Variants in MSRB3 observed in about 807,000 individuals in gnomAD.
MSRB3 encodes the protein methionine sulfoxide reductase B3.
MSRB3 carries 13 observed loss-of-function variants against 21.0 expected under a neutral mutation model. That is an observed-to-expected ratio of 0.62 (90% CI 0.40 to 0.98). The LOEUF is 0.98. Among genes scored for constraint, MSRB3 ranks in the 50% least tolerant of loss-of-function variants. The pLI, the probability that MSRB3 is intolerant of heterozygous loss-of-function variation, is 0.00. For synonymous variants in MSRB3, 87 were observed against 88.6 expected (o/e 0.98, Z 0.10); for missense variants, 199 against 230.3 (o/e 0.86, Z 0.88).
chr12:65,357,140 C>T (rs1877431512), intron 4 of MSRB3, among the ~76,000 whole-genome samples: 1 of 151,858 alleles, frequency 6.6e-6, no homozygotes, highest in South Asian at 2.1e-4. Context: ...AGGTACTACT[C>T]ATTATCCACC....
intron 5 of MSRB3, among the ~76,000 whole-genome samples, chr12:65,446,031 T>C (rs901311694): frequency 2.6e-5 from 4 of 152,212 alleles, no homozygotes; most frequent in African/African-American, 7.2e-5. Flanking sequence ...CCAAAACTAA[T>C]GATTTTCTTT....
chr12:65,318,338 A>T (rs1385044726), intron 2 of MSRB3, among the ~76,000 whole-genome samples: 2 of 152,164 alleles, frequency 1.3e-5, no homozygotes, highest in African/African-American at 2.4e-5. Flanking sequence ...TTTGCATGAT[A>T]ATCTAAGAGA....
chr12:65,438,615 A>AGGATAACATCTAC (rs1459718956), intron 5 of MSRB3, among the ~76,000 whole-genome samples: 3 of 151,928 alleles, frequency 2.0e-5, no homozygotes, highest in Non-Finnish European at 4.4e-5. Context: ...GAAAGACAAC[A>AGGATAACATCTAC]GGATAACATC....
intron 4 of MSRB3, among the ~76,000 whole-genome samples, chr12:65,347,056 T>C (rs1876565141): frequency 6.6e-6 from 1 of 152,314 alleles, no homozygotes; most frequent in South Asian, 2.1e-4. Context: ...TAGGATTGCC[T>C]TGGCAATGTG....
intron 5 of MSRB3, among the ~76,000 whole-genome samples, chr12:65,430,930 G>A (rs1483397325): frequency 6.6e-6 from 1 of 151,988 alleles, no homozygotes; most frequent in Non-Finnish European, 1.5e-5. Flanking sequence ...TACCCTGAGA[G>A]GAAAACTTAG....
chr12:65,401,743 G>A (rs1880137451), intron 5 of MSRB3, among the ~76,000 whole-genome samples: 1 of 152,136 alleles, frequency 6.6e-6, no homozygotes, highest in Non-Finnish European at 1.5e-5. Context: ...TGCAGTGGCT[G>A]GTACCGGTTG....
chr12:65,374,174 T>A (rs1274293481), intron 5 of MSRB3, among the ~76,000 whole-genome samples: 1 of 152,202 alleles, frequency 6.6e-6, no homozygotes, highest in Non-Finnish European at 1.5e-5. Flanking sequence ...AATTTCTTCA[T>A]TTTAAATTTC....
At chr12:65,315,847 T>A (rs540875111) in intron 2 of MSRB3, among the ~76,000 whole-genome samples, 1 of 152,158 alleles carries the variant, frequency 6.6e-6, no homozygotes, top group Non-Finnish European at 1.5e-5. Flanking sequence ...AAGGAAGGAA[T>A]GGAATGTTAA....
At chr12:65,440,983 ATGT>A (rs999606521) in intron 5 of MSRB3, among the ~76,000 whole-genome samples, 3 of 151,942 alleles carry the variant, frequency 2.0e-5, no homozygotes, top group African/African-American at 7.2e-5. Context: ...ACAAAATAAT[ATGT>A]CAAAGTGTAG....
chr12:65,355,261 G>A (rs1263889988), intron 4 of MSRB3, among the ~76,000 whole-genome samples: 2 of 151,808 alleles, frequency 1.3e-5, no homozygotes, highest in African/African-American at 2.4e-5. Context: ...GTGTATTAGT[G>A]TCAAGTATGC....
intron 2 of MSRB3, among the ~76,000 whole-genome samples, chr12:65,311,901 A>G (rs1874009833): frequency 1.3e-5 from 2 of 151,926 alleles, no homozygotes; most frequent in South Asian, 4.1e-4. Context: ...GACTTTTTTT[A>G]CGTCTTATTT....
At chr12:65,398,011 A>G (rs948822724) in intron 5 of MSRB3, among the ~76,000 whole-genome samples, 5 of 152,152 alleles carry the variant, frequency 3.3e-5, no homozygotes, top group African/African-American at 1.2e-4. Context: ...TCTATCATTG[A>G]TGGGCATTTG....
intron 4 of MSRB3, among the ~76,000 whole-genome samples, chr12:65,345,836 G>T (rs548189156): frequency 3.6e-4 from 54 of 152,040 alleles, no homozygotes; most frequent in African/African-American, 1.1e-3. Context: ...GTGGTGTTTG[G>T]TTTTTTTGTC....
At chr12:65,306,882 T>A in intron 1 of MSRB3, 5 of 985,886 alleles carry the variant, frequency 5.1e-6, no homozygotes, top group Non-Finnish European at 6.0e-6. Context: ...ACTGCCTCTC[T>A]TCCTGTGCGC....
At chr12:65,403,969 G>C (rs1880274042) in intron 5 of MSRB3, among the ~76,000 whole-genome samples, 1 of 152,186 alleles carries the variant, frequency 6.6e-6, no homozygotes, top group South Asian at 2.1e-4. Flanking sequence ...GATGAGCCAG[G>C]TACCTCAGTT....
intron 1 of MSRB3, chr12:65,284,012 C>CA (rs1453499710): frequency 6.6e-6 from 1 of 152,114 alleles, no homozygotes; most frequent in Non-Finnish European, 1.5e-5. Context: ...GCAACTCATA[C>CA]AGAAGGAAAT....
chr12:65,363,380 T>A (rs919293467), intron 4 of MSRB3, among the ~76,000 whole-genome samples: 2 of 152,152 alleles, frequency 1.3e-5, no homozygotes, highest in Admixed American at 1.3e-4. Flanking sequence ...AAAATGGTAG[T>A]TTTATAAATT....
chr12:65,360,798 C>T (rs992877111), intron 4 of MSRB3, among the ~76,000 whole-genome samples: 6 of 152,174 alleles, frequency 3.9e-5, no homozygotes, highest in Non-Finnish European at 8.8e-5. Context: ...CTGATTCTTA[C>T]TGCACTATGC....
intron 5 of MSRB3, among the ~76,000 whole-genome samples, chr12:65,406,123 G>A (rs1459965156): frequency 6.6e-6 from 1 of 151,980 alleles, no homozygotes; most frequent in Non-Finnish European, 1.5e-5. Flanking sequence ...TGTTTTTGGA[G>A]TCATATCCAA....
Sources: gnomAD v4.1 joint callset for allele counts (sites outside exome capture counted in the v4.1 genomes callset) on GRCh38, gnomAD v4.1.1 for gene constraint, MANE v1.5 for transcripts, NCBI Gene and HGNC (gene_info 2026-07-23, HGNC 2026-07-21) for gene names.